Variants in ARHGEF16 observed in about 807,000 individuals in gnomAD.
ARHGEF16 encodes the protein Rho guanine exchange factor (GEF) 16.
In ARHGEF16, 59 loss-of-function variants were observed where a neutral mutation model predicts 74.1. The ratio of observed to expected loss-of-function variants is 0.80; its 90% CI spans 0.65 to 0.99. The LOEUF is 0.99. ARHGEF16 is among the 50% of genes least tolerant of loss of function. The pLI is 0.00. For synonymous variants in ARHGEF16, 415 were observed against 412.6 expected (o/e 1.01, Z -0.07); for missense variants, 948 against 986.6 (o/e 0.96, Z 0.52).
intron 11 of ARHGEF16, 69 bp downstream of exon 11, chr1:3,478,095 G>GA (rs1444559489): frequency 1.2e-6 from 2 of 1,605,238 alleles, no homozygotes; most frequent in Non-Finnish European, 1.7e-6. Context: ...CCTGGGGCAG[G>GA]AGGGTACAGG....
intron 1 of ARHGEF16, among the ~76,000 whole-genome samples, chr1:3,455,056 C>G (rs980566577): frequency 4.0e-5 from 6 of 151,446 alleles, no homozygotes; most frequent in African/African-American, 1.5e-4. Context: ...CCCACACACA[C>G]CAGGCAGCCC....
At chr1:3,478,719 G>A (rs373413983) in intron 12 of ARHGEF16, 107 bp downstream of exon 12, 47 of 1,281,286 alleles carry the variant, frequency 3.7e-5, no homozygotes, top group African/African-American at 3.1e-4. Flanking sequence ...GGCTCTGAAC[G>A]CCCACCGTGC....
At chr1:3,465,595 G>T (rs145082825) in intron 2 of ARHGEF16, among the ~76,000 whole-genome samples, 1 of 14,110 alleles carries the variant, frequency 7.1e-5, no homozygotes, top group Non-Finnish European at 1.3e-3. Flanking sequence ...CTTTCCTTCC[G>T]GGAACCAGCA....
At chr1:3,461,090 C>T (rs1301956876) in intron 1 of ARHGEF16, among the ~76,000 whole-genome samples, 2 of 152,240 alleles carry the variant, frequency 1.3e-5, no homozygotes, top group East Asian at 3.8e-4. Flanking sequence ...TCAGTTTCCA[C>T]CCGCAAGAGA....
chr1:3,462,176 G>A (rs769648310), intron 1 of ARHGEF16, among the ~76,000 whole-genome samples: 74 of 152,160 alleles, frequency 4.9e-4, no homozygotes, highest in Non-Finnish European at 8.1e-4. Flanking sequence ...TCTGCTGGGG[G>A]GTGTACGTGG....
Position 3,477,912 on chromosome 1 carries a change from AGC to A in ARHGEF16, c.1515_1516del (p.Gly506ArgfsTer60), listed in dbSNP as rs1557698511. 6.2e-7 allele frequency: 1 copy of A among 1,612,502 alleles called. No individual in the cohort carries two copies. The highest frequency in any genetic ancestry group is 8.5e-7 in the Non-Finnish European group (1 of 1,179,894). On this transcript the variant is annotated frameshift_variant, in exon 11 of 15. Coordinates refer to ENST00000378378, the MANE Select transcript of ARHGEF16 (RefSeq NM_014448.4). LOFTEE classifies it high-confidence loss of function. ...ATCTCTGCCTCCCGGTGGCTGCTGA[AGC>A]GCGGAGAGCTGTTCTTAGTGGAAGA...
chr1:3,479,780 G>T, intron 13 of ARHGEF16, 32 bp from the exon 14 acceptor site: 1 of 1,605,970 alleles, frequency 6.2e-7, no homozygotes, highest in South Asian at 1.1e-5. Flanking sequence ...CATGCCTCCC[G>T]ACAGCCCTGT....
At chr1:3,463,741 C>A in intron 2 of ARHGEF16, 69 bp downstream of exon 2, 1 of 1,256,224 alleles carries the variant, frequency 8.0e-7, no homozygotes, top group Non-Finnish European at 1.0e-6. Context: ...GCCGTCTCCA[C>A]CACCGTCATC....
At chr1:3,471,704 C>T (rs757676689) in intron 6 of ARHGEF16, 50 of 1,236,634 alleles carry the variant, frequency 4.0e-5, no homozygotes, top group African/African-American at 2.9e-4. Context: ...TGCCCTGGGG[C>T]GGGAAGCTCC....
intron 8 of ARHGEF16, chr1:3,474,328 C>G (rs1557696213): frequency 3.6e-6 from 1 of 278,970 alleles, no homozygotes; most frequent in Non-Finnish European, 7.0e-6. Context: ...GCTAAGCTTC[C>G]TGAGGCTACA....
rs1639643574 is a variant in ARHGEF16 at position 3,469,464 on chromosome 1, C to T, written c.893C>T (p.Ser298Phe). Residue 298 changes from serine to phenylalanine, a missense_variant, in exon 6 of 15, where the codon TCC becomes TTC. By Grantham distance (155) the Ser-to-Phe change is radical. Coordinates refer to ENST00000378378, the MANE Select transcript of ARHGEF16 (RefSeq NM_014448.4). The part of the protein sequence containing the change: ...AMFEILTSEF[S>F]YQHSLSILVE... ...TTCGAGATCCTCACGTCGGAGTTCTCCTACCAGCACAGCCTGAGCATCCTG... is the reference window on the plus strand; with the variant it reads ...TTCGAGATCCTCACGTCGGAGTTCTTCTACCAGCACAGCCTGAGCATCCTG... The T allele has an allele frequency of 1.2e-5, 20 of 1,612,912 alleles. No individual in the cohort carries two copies. The highest frequency in any genetic ancestry group is 1.7e-5 in the Non-Finnish European group (20 of 1,179,942).
At chr1:3,473,333 C>G in intron 7 of ARHGEF16, 60 bp from the exon 8 acceptor site, 1 of 1,579,216 alleles carries the variant, frequency 6.3e-7, no homozygotes, top group East Asian at 2.2e-5. Flanking sequence ...GCAGGTCCTG[C>G]CTGATTTTGG....
chr1:3,464,101 G>A (rs143608929), intron 2 of ARHGEF16, among the ~76,000 whole-genome samples: 202 of 152,326 alleles, frequency 1.3e-3, no homozygotes, highest in African/African-American at 4.5e-3. Context: ...GGACTGAAGC[G>A]GGGCAGCTGT....
chr1:3,469,332 C>G, intron 5 of ARHGEF16, 101 bp from the exon 6 acceptor site: 1 of 1,400,508 alleles, frequency 7.1e-7, no homozygotes. Flanking sequence ...TCCCCACCTG[C>G]CCCTGCCACC....
At position 3,474,827 on chromosome 1, in the gene ARHGEF16, G is replaced by A. The variant is rs559085230; in HGVS notation, c.1380+45G>A. 521 of 1,583,638 alleles carry A rather than the reference G, an allele frequency of 3.3e-4. 2 individuals are homozygous for A. Among genetic ancestry groups the A allele is most frequent in the South Asian group, 3.1e-3 (278 of 90,070 alleles). ...CAGCCCTACCCGAGTCCTGTACCCC[G>A]ACCCTGTCCCCACCCAACCCCACCC... On this transcript the variant is annotated intron_variant, in intron 9 of 14. Coordinates refer to ENST00000378378, the MANE Select transcript of ARHGEF16 (RefSeq NM_014448.4).
intron 11 of ARHGEF16, 51 bp downstream of exon 11, chr1:3,478,077 C>T: frequency 1.2e-6 from 2 of 1,609,574 alleles, no homozygotes; most frequent in East Asian, 4.5e-5. Context: ...GGACACTGGA[C>T]CGCTGGCCCT....
chr1:3,473,023 C>G, intron 6 of ARHGEF16, 55 bp from the exon 7 acceptor site: 1 of 1,579,304 alleles, frequency 6.3e-7, no homozygotes, highest in South Asian at 1.2e-5. Context: ...TGTGTGCACA[C>G]GTGGGGCCCG....
chr1:3,476,125 T>G (rs2100756838), intron 10 of ARHGEF16, 63 bp downstream of exon 10: 1 of 1,498,696 alleles, frequency 6.7e-7, no homozygotes, highest in Non-Finnish European at 9.0e-7. Context: ...CCTGCTGGCC[T>G]GCGTGTGAGG....
In ARHGEF16 at chr1:3,469,651, C is replaced by T. The variant is rs567628085; in HGVS notation, c.1022+58C>T. On this transcript the variant is annotated intron_variant, in intron 6 of 14. Transcript: ENST00000378378. ...CCTCTGCCAGGAAGGTGCCTCCCCCCGTGGGCACCGCACTGTCATCAGCAG... is the reference window on the plus strand; with the variant it reads ...CCTCTGCCAGGAAGGTGCCTCCCCCTGTGGGCACCGCACTGTCATCAGCAG... 1.8e-5 allele frequency: 29 copies of T among 1,596,322 alleles called. No homozygotes were observed. The East Asian group carries it at 2.0e-4, about 11-fold the overall frequency.
Sources: gnomAD v4.1 joint callset for allele counts (sites outside exome capture counted in the v4.1 genomes callset) on GRCh38, gnomAD v4.1.1 for gene constraint, MANE v1.5 for transcripts, NCBI Gene and HGNC (gene_info 2026-07-23, HGNC 2026-07-21) for gene names.